The following MDGA2 variants were observed in gnomAD, a reference collection of about 807,000 sequenced individuals.
MDGA2 encodes MAM domain-containing glycosylphosphatidylinositol anchor protein 2.
MDGA2 carries 40 observed loss-of-function variants against 117.8 expected under a neutral mutation model. The observed-to-expected ratio is 0.34, with a 90% CI of 0.26 to 0.44. MDGA2 has a LOEUF of 0.44. MDGA2 is among the 20% of genes least tolerant of loss of function. The pLI, the probability that MDGA2 is intolerant of heterozygous loss-of-function variation, is 1.00. For synonymous variants in MDGA2, 452 were observed against 439.0 expected (o/e 1.03, Z -0.37); for missense variants, 1,123 against 1,250.6 (o/e 0.90, Z 1.54).
chr14:47,321,441 A>G (rs533410410), intron 1 of MDGA2, among the ~76,000 whole-genome samples: 2 of 152,346 alleles, frequency 1.3e-5, no homozygotes, highest in South Asian at 2.1e-4. Context: ...ACTATCAAAC[A>G]TTGATTGCCC....
In MDGA2 at chr14:47,167,801, T is replaced by C. The variant is rs1594687258; in HGVS notation, c.596-23527A>G. 2.0e-5 allele frequency among the ~76,000 whole-genome samples: 3 copies of C among 152,208 alleles called. No homozygotes were observed. The South Asian group carries it at 6.2e-4, about 32-fold the overall frequency. ...AAATGATATTTTACTCTAAATACAA[T>C]TATTTCATTTATAGTCTCAATCAGG... is the stretch of plus-strand genomic sequence containing the variant. On this transcript the variant is annotated intron_variant, in intron 3 of 16. Transcript: ENST00000399232.
At chr14:47,462,105 C>T (rs959660546) in intron 1 of MDGA2, among the ~76,000 whole-genome samples, 4 of 152,248 alleles carry the variant, frequency 2.6e-5, no homozygotes, top group Non-Finnish European at 4.4e-5. Flanking sequence ...CTTGCAAGCG[C>T]GGTGGCTCAC....
intron 1 of MDGA2, among the ~76,000 whole-genome samples, chr14:47,344,023 C>T (rs1288018175): frequency 6.6e-5 from 10 of 152,090 alleles, no homozygotes; most frequent in African/African-American, 2.2e-4. Flanking sequence ...CATTCTTGCC[C>T]CTCTGAGTGC....
chr14:46,857,950 G>T lies in MDGA2; in HGVS notation c.2753-2796C>A, dbSNP rs1040692377. On this transcript the variant is annotated intron_variant, in intron 14 of 16. Coordinates refer to ENST00000399232, the MANE Select transcript of MDGA2 (RefSeq NM_001113498.3). ...ATTACAGACTTGAGTTACCACGCCT[G>T]GTCCCATTATTTCTAACAATATTTT... Among the ~76,000 whole-genome samples the T allele has an allele frequency of 1.4e-4, 21 of 151,818 alleles. 1 individual carries two copies. Among genetic ancestry groups the T allele is most frequent in the African/African-American group, 5.1e-4 (21 of 41,324 alleles).
chr14:47,515,356 G>A (rs1176213267), intron 1 of MDGA2, among the ~76,000 whole-genome samples: 10 of 152,142 alleles, frequency 6.6e-5, no homozygotes, highest in African/African-American at 2.4e-4. Flanking sequence ...TGAATACCCT[G>A]CACATATCAA....
chr14:47,522,017 A>C (rs1342058257), intron 1 of MDGA2, among the ~76,000 whole-genome samples: 5 of 152,158 alleles, frequency 3.3e-5, no homozygotes, highest in Non-Finnish European at 7.4e-5. Flanking sequence ...AAAACGAAAC[A>C]AAAAACTGTC....
At chr14:47,096,064 A>G (rs1296930196) in intron 6 of MDGA2, among the ~76,000 whole-genome samples, 1 of 151,944 alleles carries the variant, frequency 6.6e-6, no homozygotes, top group East Asian at 1.9e-4. Context: ...TGGAGAGAAA[A>G]CATGCCTAAA....
At chr14:47,119,160 C>T (rs1881498704) in intron 5 of MDGA2, among the ~76,000 whole-genome samples, 1 of 83,980 alleles carries the variant, frequency 1.2e-5, no homozygotes, top group Non-Finnish European at 2.7e-5. Context: ...ACGCCATTCT[C>T]CTGCCTCAGC....
Position 47,013,728 on chromosome 14 carries a change from G to A in MDGA2, c.1819+21283C>T, listed in dbSNP as rs533382325. Among the ~76,000 whole-genome samples the A allele has an allele frequency of 7.8e-5, 11 of 140,886 alleles. No individual in the cohort carries two copies. In the South Asian group the frequency reaches 2.1e-3, roughly 27 times the overall value. 92.4% of individuals were successfully genotyped at this position (140,886 alleles called of 152,430 possible). On this transcript the variant is annotated intron_variant, in intron 8 of 16. Coordinates refer to ENST00000399232, the MANE Select transcript of MDGA2 (RefSeq NM_001113498.3). ...AATCACTCCTGGATTCATGGGCTGC[G>A]GAATGGATGTTGTGTTATTAGGTAT... is the stretch of plus-strand genomic sequence containing the variant.
chr14:47,052,107 C>T (rs951546038), intron 7 of MDGA2, among the ~76,000 whole-genome samples: 1 of 151,866 alleles, frequency 6.6e-6, no homozygotes, highest in Non-Finnish European at 1.5e-5. Flanking sequence ...TCACTGTTAT[C>T]ATTTTAAATG....
At chr14:47,094,967 T>C (rs950963810) in intron 6 of MDGA2, among the ~76,000 whole-genome samples, 13 of 152,058 alleles carry the variant, frequency 8.5e-5, no homozygotes, top group African/African-American at 2.2e-4. Context: ...GATACTTCCA[T>C]TGTGAATTCT....
intron 1 of MDGA2, among the ~76,000 whole-genome samples, chr14:47,404,406 G>A (rs991698520): frequency 2.2e-4 from 33 of 151,812 alleles, no homozygotes; most frequent in Middle Eastern, 6.9e-3. Context: ...GGCTGGTCTC[G>A]AACTTCTGAC....
chr14:47,071,508 GTTTAAAGTATATT>G lies in MDGA2; in HGVS notation c.1196-9943_1196-9931del, dbSNP rs545921381. On this transcript the variant is annotated intron_variant, in intron 6 of 16. Coordinates refer to ENST00000399232, the MANE Select transcript of MDGA2 (RefSeq NM_001113498.3). Reference sequence around the variant, plus strand: ...GTATACCCTACCTTTCCTTAGGTGTGTTTAAAGTATATTTTTAAAATACATACTATAGTGTCTG... The same window carrying G: ...GTATACCCTACCTTTCCTTAGGTGTGTTTAAAATACATACTATAGTGTCTG... 3.3e-5 allele frequency among the ~76,000 whole-genome samples: 5 copies of G among 151,720 alleles called. No homozygotes were observed. In the East Asian group the frequency reaches 9.6e-4, roughly 29 times the overall value.
chr14:47,356,378 A>G (rs2138359179), intron 1 of MDGA2, among the ~76,000 whole-genome samples: 1 of 152,306 alleles, frequency 6.6e-6, no homozygotes, highest in South Asian at 2.1e-4. Context: ...CCTTAAAATG[A>G]ACCCTGTCTT....
intron 3 of MDGA2, among the ~76,000 whole-genome samples, chr14:47,171,689 C>A (rs1364480361): frequency 6.6e-6 from 1 of 152,314 alleles, no homozygotes; most frequent in African/African-American, 2.4e-5. Flanking sequence ...ATAGGAACAG[C>A]TCCGGTCTAC....
At chr14:47,135,142 C>T (rs1258080245) in intron 4 of MDGA2, among the ~76,000 whole-genome samples, 1 of 151,908 alleles carries the variant, frequency 6.6e-6, no homozygotes, top group Admixed American at 6.6e-5. Flanking sequence ...TGTATGCTTC[C>T]ATACTTCTCT....
intron 1 of MDGA2, among the ~76,000 whole-genome samples, chr14:47,478,137 G>C (rs1893881195): frequency 1.3e-5 from 2 of 152,254 alleles, no homozygotes; most frequent in East Asian, 1.9e-4. Context: ...TTTTTCTAAA[G>C]AAAATAAAAG....
At chr14:47,051,571 G>T (rs1327437077) in intron 7 of MDGA2, among the ~76,000 whole-genome samples, 4 of 151,778 alleles carry the variant, frequency 2.6e-5, no homozygotes, top group Non-Finnish European at 5.9e-5. Flanking sequence ...CAGATTTGAG[G>T]GGAGAAGTTC....
At chr14:47,125,248 T>G (rs905424674) in intron 5 of MDGA2, among the ~76,000 whole-genome samples, 3 of 152,124 alleles carry the variant, frequency 2.0e-5, no homozygotes, top group African/African-American at 7.2e-5. Flanking sequence ...TGACCATAGG[T>G]GTAGCATATC....
Sources: allele counts gnomAD v4.1 joint callset (sites outside exome capture counted in the v4.1 genomes callset), GRCh38; gene constraint gnomAD v4.1.1; transcripts MANE v1.5; gene names NCBI Gene and HGNC (gene_info 2026-07-23, HGNC 2026-07-21).